Variants in SPDYE5 observed in about 807,000 individuals in gnomAD.
SPDYE5 encodes speedy protein E5.
Under a neutral mutation model 48.5 loss-of-function variants are expected in SPDYE5, and 15 were observed. The observed-to-expected ratio is 0.31, with a 90% confidence interval of 0.21 to 0.48. The LOEUF (loss-of-function observed/expected upper bound fraction) is 0.48. SPDYE5 is among the 20% of genes least tolerant of loss of function. SPDYE5 has a pLI of 0.99. For missense variants in SPDYE5, 331 were observed against 549.1 expected (o/e 0.60, Z 3.97); for synonymous variants, 116 against 200.7 (o/e 0.58, Z 3.57).
chr7:75,502,612 G>A (rs1193880629), intron 8 of SPDYE5, among the ~76,000 whole-genome samples: 1 of 148,846 alleles, frequency 6.7e-6, no homozygotes, highest in Non-Finnish European at 1.5e-5. Context: ...CAGATCACTG[G>A]GGCTGACCTT....
At chr7:75,496,247 C>T (rs1486860870) in intron 3 of SPDYE5, among the ~76,000 whole-genome samples, 96 of 144,194 alleles carry the variant, frequency 6.7e-4, no homozygotes, top group African/African-American at 2.4e-3. Context: ...ATGAGCTGGG[C>T]GTTCTGGTGG....
rs1204926295 is a variant in SPDYE5 at position 75,502,080 on chromosome 7, G to A, written c.*45+98G>A. 77 of 1,397,436 alleles carry A rather than the reference G, an allele frequency of 5.5e-5. No homozygotes were observed. The Admixed American group carries it at 1.2e-3, about 21-fold the overall frequency. The allele number at this position is 1,397,436 out of a possible 1,614,324, so 86.6% of individuals were successfully genotyped here. A position where few individuals can be genotyped will look rare whatever the true frequency, so the allele number is the denominator to read the frequency against. On this transcript the variant is annotated intron_variant, in intron 8 of 8. Coordinates refer to ENST00000625065, the MANE Select transcript of SPDYE5 (RefSeq NM_001306141.4). ...TGATCCGGCTTCAAGCCTGGGCAAC[G>A]TGGCGAGATCCCCTCTCCACAAAAA...
rs587746101 is a variant in SPDYE5, at chr7:75,502,846, G to C, written c.*59G>C. On this transcript the variant is annotated 3_prime_UTR_variant, in exon 9 of 9. Transcript: ENST00000625065. ...TCTCACTTCCAGAACACCGGACCCAGGGGAGATGTGGATTTTCAGCAGGAA... is the reference window on the plus strand; with the variant it reads ...TCTCACTTCCAGAACACCGGACCCACGGGAGATGTGGATTTTCAGCAGGAA... 9.3e-5 allele frequency: 93 copies of C among 1,004,584 alleles called. 1 individual carries two copies. The Admixed American group carries it at 2.2e-3, about 24-fold the overall frequency. The allele number at this position is 1,004,584 out of a possible 1,614,324, so 62.2% of individuals were successfully genotyped here. A position where few individuals can be genotyped will look rare whatever the true frequency, so the allele number is the denominator to read the frequency against.
At position 75,502,050 on chromosome 7, in the gene SPDYE5, T is replaced by C. The variant is rs1184299911; in HGVS notation, c.*45+68T>C. The C allele has an allele frequency of 1.5e-5, 23 of 1,509,664 alleles. No individual in the cohort carries two copies. In the East Asian group the frequency reaches 2.1e-4, roughly 14 times the overall value. 93.5% of individuals were successfully genotyped at this position (1,509,664 alleles called of 1,614,324 possible). ...TATTTCGGAAATCCGAAGAACCCAA[T>C]TGCTTGATCCGGCTTCAAGCCTGGG... On this transcript the variant is annotated intron_variant, in intron 8 of 8. Transcript: ENST00000625065.
upstream of SPDYE5, among the ~76,000 whole-genome samples, chr7:75,491,934 C>T (rs1389495238): frequency 2.6e-5 from 4 of 151,802 alleles, no homozygotes; most frequent in Middle Eastern, 3.4e-3. Flanking sequence ...AGGCTGGTCT[C>T]GAACTTCTGA....
At chr7:75,500,832 C>T (rs1793118438) in intron 6 of SPDYE5, among the ~76,000 whole-genome samples, 1 of 152,096 alleles carries the variant, frequency 6.6e-6, no homozygotes, top group Admixed American at 6.6e-5. Flanking sequence ...CTTCAGCCTC[C>T]TGAGTAGCTA....
In SPDYE5 at chr7:75,501,942, C is replaced by T. The variant is rs587671351; in HGVS notation, c.*5C>T. 3.7e-6 allele frequency: 6 copies of T among 1,607,074 alleles called. No individual in the cohort carries two copies. In the South Asian group the frequency reaches 5.5e-5, roughly 15 times the overall value. On this transcript the variant is annotated 3_prime_UTR_variant, in exon 8 of 9. Transcript: ENST00000625065. Reference sequence around the variant, plus strand: ...GATCGCGCTCACCTTTCCTAGAGCTCCAGGGACCGTGGAGGCCTGAGGTCA... The same window carrying T: ...GATCGCGCTCACCTTTCCTAGAGCTTCAGGGACCGTGGAGGCCTGAGGTCA...
intron 3 of SPDYE5, among the ~76,000 whole-genome samples, chr7:75,496,404 CAAAAAAA>C (rs1175143877): frequency 1.2e-3 from 32 of 27,466 alleles, no homozygotes; most frequent in African/African-American, 3.9e-3. Flanking sequence ...ACAACAACAA[CAAAAAAA>C]AAAAAAAAAA....
chr7:75,495,472 C>T (rs1278674573), intron 3 of SPDYE5, 98 bp downstream of exon 3: 17 of 1,519,720 alleles, frequency 1.1e-5, no homozygotes, highest in East Asian at 2.4e-5. Flanking sequence ...ATACGCCCCC[C>T]GTGGGTGAGC....
At chr7:75,500,692 C>T (rs1793112314) in intron 6 of SPDYE5, among the ~76,000 whole-genome samples, 1 of 152,052 alleles carries the variant, frequency 6.6e-6, no homozygotes, top group Admixed American at 6.6e-5. Flanking sequence ...TGCCACCACA[C>T]CTGGACTGTT....
chr7:75,501,287 T>C (rs1222827572), intron 6 of SPDYE5, 75 bp from the exon 7 acceptor site: 2 of 1,605,338 alleles, frequency 1.2e-6, no homozygotes, highest in African/African-American at 2.7e-5. Flanking sequence ...CTTACCTTCC[T>C]CTCTGGGAAG....
Position 75,494,154 on chromosome 7 carries a change from C to A in SPDYE5, c.107C>A (p.Thr36Asn). ...AATGAGCAGAGTCCCCAGCGGAGCA[C>A]CTCGGGGTACCCCCTCCAGGAGGTG... ...PQNEQSPQRS[T>N]SGYPLQEVVD... Residue 36 changes from threonine (T) to asparagine (N), a missense_variant, in exon 2 of 9, where the codon ACC becomes AAC. Transcript: ENST00000625065. 1 of 1,535,266 alleles carries A rather than the reference C, an allele frequency of 6.5e-7. No individual in the cohort carries two copies. The highest frequency in any genetic ancestry group is 8.7e-7 in the Non-Finnish European group (1 of 1,146,836).
intron 5 of SPDYE5, among the ~76,000 whole-genome samples, chr7:75,498,228 G>A (rs1202183971): frequency 6.8e-6 from 1 of 146,356 alleles, no homozygotes; most frequent in African/African-American, 2.6e-5. Context: ...GGGTTCAAGC[G>A]ATTCTTCTGC....
rs587768809 is a variant in SPDYE5 at position 75,503,357 on chromosome 7, G to C, written c.*570G>C. The stretch of plus-strand genomic sequence containing the variant: ...TATTTCAAATAGTTTGGAAATTGTT[G>C]TACTTTTGAAAACATGCTGTTCCTG... On this transcript the variant is annotated 3_prime_UTR_variant, in exon 9 of 9. Coordinates refer to ENST00000625065, the MANE Select transcript of SPDYE5 (RefSeq NM_001306141.4). The C allele has an allele frequency of 2.0e-3, 352 of 174,474 alleles. 2 individuals are homozygous for C. The highest frequency in any genetic ancestry group is 7.7e-3 in the African/African-American group (321 of 41,628). 10.8% of individuals were successfully genotyped at this position (174,474 alleles called of 1,614,324 possible).
chr7:75,493,941 G>A lies in SPDYE5; in HGVS notation c.-107G>A. 1 of 1,498,774 alleles carries A rather than the reference G, an allele frequency of 6.7e-7. No individual in the cohort carries two copies. The highest frequency in any genetic ancestry group is 8.9e-7 in the Non-Finnish European group (1 of 1,126,412). 92.8% of individuals were successfully genotyped at this position (1,498,774 alleles called of 1,614,324 possible). A position where few individuals can be genotyped will look rare whatever the true frequency, so the allele number is the denominator to read the frequency against. ...CGGACTCCGTGGTGCCTGGAGATCA[G>A]TTGGACAACAGTATCTTCTCAGAGC... On this transcript the variant is annotated 5_prime_UTR_variant, in exon 2 of 9. Coordinates refer to ENST00000625065, the MANE Select transcript of SPDYE5 (RefSeq NM_001306141.4).
intron 1 of SPDYE5, among the ~76,000 whole-genome samples, chr7:75,492,877 C>A (rs1792787504): frequency 6.6e-6 from 1 of 152,202 alleles, no homozygotes; most frequent in Non-Finnish European, 1.5e-5. Flanking sequence ...CTCACTGCAG[C>A]TTCTAACTCC....
intron 1 of SPDYE5, among the ~76,000 whole-genome samples, chr7:75,492,811 T>C (rs1489573497): frequency 1.2e-4 from 18 of 152,212 alleles, no homozygotes; most frequent in Admixed American, 2.0e-4. Flanking sequence ...AAAAAATTTT[T>C]TTGACACAAT....
rs1310211022 is a variant in SPDYE5 at position 75,503,971 on chromosome 7, A to C, written c.*1184A>C. ...TTAAGAGAGGATTCTTTTCATCCTA[A>C]ATCTTTTACCTTTCAATCTTTGTAT... On this transcript the variant is annotated 3_prime_UTR_variant, in exon 9 of 9. Coordinates refer to ENST00000625065, the MANE Select transcript of SPDYE5 (RefSeq NM_001306141.4). 6.6e-6 allele frequency: 1 copy of C among 151,970 alleles called. No homozygotes were observed. The highest frequency in any genetic ancestry group is 1.5e-5 in the Non-Finnish European group (1 of 67,982). 9.4% of individuals were successfully genotyped at this position (151,970 alleles called of 1,614,324 possible).
intron 6 of SPDYE5, among the ~76,000 whole-genome samples, chr7:75,500,705 T>C (rs1229074182): frequency 2.0e-5 from 3 of 152,034 alleles, no homozygotes; most frequent in Admixed American, 6.6e-5. Flanking sequence ...GGACTGTTTG[T>C]TTGTTTGTTT....
Sources: allele counts gnomAD v4.1 joint callset (sites outside exome capture counted in the v4.1 genomes callset), GRCh38; gene constraint gnomAD v4.1.1; transcripts MANE v1.5; gene names NCBI Gene and HGNC (gene_info 2026-07-23, HGNC 2026-07-21).